The following PDK1 variants were observed in gnomAD, a reference collection of about 807,000 sequenced individuals.
The protein encoded by PDK1 is pyruvate dehydrogenase kinase 1, also known as [Pyruvate dehydrogenase (acetyl-transferring)] kinase isozyme 1, mitochondrial.
PDK1 carries 39 observed loss-of-function variants against 54.2 expected under a neutral mutation model. The ratio of observed to expected loss-of-function variants is 0.72; its 90% CI spans 0.56 to 0.94. The LOEUF (loss-of-function observed/expected upper bound fraction) is 0.94, where lower values mean the gene tolerates loss of function less well. Among genes scored for constraint, PDK1 ranks in the 40% least tolerant of loss-of-function variants. The probability of loss-of-function intolerance (pLI) is 0.00; values close to 1 mark genes in which losing one functional copy is unlikely to be tolerated. For missense variants in PDK1, 552 were observed against 566.0 expected (o/e 0.98, Z 0.25); for synonymous variants, 221 against 207.1 (o/e 1.07, Z -0.58).
At chr2:172,668,277 T>TC in the PDK1 span, among the ~76,000 whole-genome samples, 7 of 128,136 alleles carry the variant, frequency 5.5e-5, no homozygotes, top group African/African-American at 1.6e-4. Flanking sequence ...TTTCTTTCTT[T>TC]ATTTTTTTTT....
chr2:172,555,890 A>G, upstream of PDK1: 1 of 331,162 alleles, frequency 3.0e-6, no homozygotes, highest in Non-Finnish European at 5.5e-6. Flanking sequence ...CGCGCTCCGC[A>G]TCTCCTTCCT....
chr2:172,620,034 C>T, the PDK1 span, among the ~76,000 whole-genome samples: 13 of 152,160 alleles, frequency 8.5e-5, no homozygotes, highest in Non-Finnish European at 1.8e-4. Flanking sequence ...GCGGTAGTGG[C>T]GTTCACCTGT....
chr2:172,698,955 G>C, the PDK1 span, among the ~76,000 whole-genome samples: 1 of 152,172 alleles, frequency 6.6e-6, no homozygotes, highest in African/African-American at 2.4e-5. Flanking sequence ...AGATGCAAAG[G>C]GGGGTGAGAT....
the PDK1 span, among the ~76,000 whole-genome samples, chr2:172,699,726 CT>C: frequency 2.0e-5 from 3 of 150,746 alleles, no homozygotes; most frequent in Admixed American, 6.6e-5. Context: ...ACTAAATGTG[CT>C]TTTTTTCTTT....
chr2:172,649,855 C>T, the PDK1 span, among the ~76,000 whole-genome samples: 30 of 152,246 alleles, frequency 2.0e-4, no homozygotes, highest in East Asian at 4.6e-3. Flanking sequence ...ACCAAATTTA[C>T]GTCCGATTGG....
chr2:172,587,957 T>C (rs370140692), intron 9 of PDK1, among the ~76,000 whole-genome samples: 8 of 152,266 alleles, frequency 5.3e-5, no homozygotes, highest in African/African-American at 1.9e-4. Context: ...CTGATTGGTA[T>C]GTTTACGATC....
At chr2:172,629,465 G>GA in the PDK1 span, among the ~76,000 whole-genome samples, 5 of 152,154 alleles carry the variant, frequency 3.3e-5, no homozygotes, top group Non-Finnish European at 5.9e-5. Context: ...TTGACAGTGA[G>GA]ATCTCAGAGA....
the PDK1 span, among the ~76,000 whole-genome samples, chr2:172,688,883 T>C: frequency 2.0e-5 from 3 of 152,186 alleles, no homozygotes; most frequent in African/African-American, 7.2e-5. Flanking sequence ...CCAGAGTTGG[T>C]TCCTTCCAGT....
the PDK1 span, among the ~76,000 whole-genome samples, chr2:172,694,194 C>T: frequency 2.6e-5 from 4 of 152,208 alleles, no homozygotes; most frequent in African/African-American, 9.6e-5. Flanking sequence ...GGATCCATAG[C>T]ATTGAGGGAA....
At chr2:172,721,821 T>C in the PDK1 span, among the ~76,000 whole-genome samples, 1 of 152,262 alleles carries the variant, frequency 6.6e-6, no homozygotes, top group African/African-American at 2.4e-5. Context: ...ACCCAAGTGC[T>C]ATCATCATTT....
At chr2:172,671,450 C>T in the PDK1 span, among the ~76,000 whole-genome samples, 1 of 149,254 alleles carries the variant, frequency 6.7e-6, no homozygotes, top group African/African-American at 2.4e-5. Context: ...TGGAATGTAT[C>T]TGTAAGTTAA....
At chr2:172,635,964 C>T in the PDK1 span, among the ~76,000 whole-genome samples, 1 of 152,342 alleles carries the variant, frequency 6.6e-6, no homozygotes, top group African/African-American at 2.4e-5. Flanking sequence ...GTGACCTAGG[C>T]TCTCCTCTGG....
At chr2:172,716,131 G>T in the PDK1 span, among the ~76,000 whole-genome samples, 1 of 152,152 alleles carries the variant, frequency 6.6e-6, no homozygotes, top group Non-Finnish European at 1.5e-5. Context: ...CTGCCTTTGA[G>T]ATTTTGAAAA....
At position 172,566,784 on chromosome 2, in the gene PDK1, A is replaced by G. The variant is rs1688976356; in HGVS notation, c.692-72A>G. ...TTCAAGACTTTGATTTGTCAATACC[A>G]TTGCCATCTTAATGCGTGAAAGAGA... On this transcript the variant is annotated intron_variant, in intron 5 of 10. Coordinates refer to ENST00000282077, the MANE Select transcript of PDK1 (RefSeq NM_002610.5). 3.3e-6 allele frequency: 3 copies of G among 904,578 alleles called. No individual in the cohort carries two copies. The South Asian group carries it at 4.4e-5, about 13-fold the overall frequency. The allele number at this position is 904,578 out of a possible 1,614,324, so 56.0% of individuals were successfully genotyped here.
chr2:172,667,538 GA>G, the PDK1 span, among the ~76,000 whole-genome samples: 5 of 152,192 alleles, frequency 3.3e-5, no homozygotes, highest in Non-Finnish European at 7.3e-5. Context: ...CTAACCCTGG[GA>G]AGGACAAATC....
the PDK1 span, among the ~76,000 whole-genome samples, chr2:172,679,614 T>C: frequency 2.6e-5 from 4 of 152,208 alleles, no homozygotes; most frequent in African/African-American, 4.8e-5. Context: ...GGATCAGTGA[T>C]GACCATCATA....
chr2:172,715,632 C>G, the PDK1 span, among the ~76,000 whole-genome samples: 6 of 152,076 alleles, frequency 3.9e-5, no homozygotes, highest in Non-Finnish European at 8.8e-5. Flanking sequence ...ACAGAATGGA[C>G]AGTGAACAGC....
At chr2:172,664,069 T>A in the PDK1 span, among the ~76,000 whole-genome samples, 1 of 151,122 alleles carries the variant, frequency 6.6e-6, no homozygotes, top group South Asian at 2.1e-4. Context: ...CCCAGCACTT[T>A]GGGAGGCTGA....
chr2:172,686,712 T>G, the PDK1 span, among the ~76,000 whole-genome samples: 1 of 152,200 alleles, frequency 6.6e-6, no homozygotes, highest in African/African-American at 2.4e-5. Context: ...TGTGCCACCT[T>G]TAAGAGCTGT....
Sources: gnomAD v4.1 joint callset for allele counts (sites outside exome capture counted in the v4.1 genomes callset) on GRCh38, gnomAD v4.1.1 for gene constraint, MANE v1.5 for transcripts, NCBI Gene and HGNC (gene_info 2026-07-23, HGNC 2026-07-21) for gene names.